CLDN10: variants seen among roughly 807,000 people sequenced by gnomAD.
CLDN10 encodes the protein claudin 10.
Under a neutral mutation model 22.9 loss-of-function variants are expected in CLDN10, and 15 were observed. The observed-to-expected ratio is 0.65, with a 90% CI of 0.44 to 1.01. The LOEUF (loss-of-function observed/expected upper bound fraction) is 1.01. CLDN10 is among the 50% of genes least tolerant of loss of function. CLDN10 has a pLI of 0.00. For missense variants in CLDN10, 247 were observed against 287.8 expected (o/e 0.86, Z 1.03); for synonymous variants, 114 against 111.4 (o/e 1.02, Z -0.15).
At chr13:95,489,363 A>C (rs2042844474) in intron 1 of CLDN10, among the ~76,000 whole-genome samples, 1 of 150,956 alleles carries the variant, frequency 6.6e-6, no homozygotes, top group African/African-American at 2.4e-5. Context: ...TTCCCTGTTC[A>C]CTGCACCCAT....
At chr13:95,444,564 C>A (rs2042354170) in intron 1 of CLDN10, among the ~76,000 whole-genome samples, 1 of 152,116 alleles carries the variant, frequency 6.6e-6, no homozygotes, top group Admixed American at 6.5e-5. Flanking sequence ...CGGTTAAGTT[C>A]AGGGGGACAC....
intron 1 of CLDN10, among the ~76,000 whole-genome samples, chr13:95,451,172 A>G (rs549873645): frequency 6.6e-6 from 1 of 152,340 alleles, no homozygotes; most frequent in East Asian, 1.9e-4. Context: ...GAAATGGCCA[A>G]TCCCCGGCAG....
At chr13:95,572,973 A>G (rs1187559469) in intron 3 of CLDN10, among the ~76,000 whole-genome samples, 1 of 152,214 alleles carries the variant, frequency 6.6e-6, no homozygotes, top group Non-Finnish European at 1.5e-5. Flanking sequence ...CTAAATGGCT[A>G]AACTACAAGT....
chr13:95,569,830 G>A (rs1178486459), intron 3 of CLDN10, among the ~76,000 whole-genome samples: 3 of 150,580 alleles, frequency 2.0e-5, no homozygotes, highest in African/African-American at 7.3e-5. Flanking sequence ...GTGCAGTGGT[G>A]AGATCTCGGC....
intron 3 of CLDN10, among the ~76,000 whole-genome samples, chr13:95,572,162 G>C (rs2043871631): frequency 6.6e-6 from 1 of 152,020 alleles, no homozygotes; most frequent in South Asian, 2.1e-4. Flanking sequence ...GCAGCCCGAG[G>C]GCATTCAGAA....
At chr13:95,568,324 C>G (rs1391798260) in intron 3 of CLDN10, among the ~76,000 whole-genome samples, 2 of 152,160 alleles carry the variant, frequency 1.3e-5, no homozygotes, top group African/African-American at 2.4e-5. Context: ...AGAAATAGTG[C>G]AGGCCACCTC....
intron 1 of CLDN10, among the ~76,000 whole-genome samples, chr13:95,470,251 C>G (rs2042617420): frequency 6.6e-6 from 1 of 152,180 alleles, no homozygotes; most frequent in African/African-American, 2.4e-5. Flanking sequence ...CTTGTCCTTT[C>G]TAATCCTAAG....
At chr13:95,494,979 C>T (rs2042912532) in intron 1 of CLDN10, among the ~76,000 whole-genome samples, 1 of 151,772 alleles carries the variant, frequency 6.6e-6, no homozygotes, top group African/African-American at 2.4e-5. Flanking sequence ...GATGCAAAAC[C>T]CAAATTGTGC....
At chr13:95,493,558 CTTT>C (rs372832325) in intron 1 of CLDN10, among the ~76,000 whole-genome samples, 44,455 of 131,856 alleles carry the variant, frequency 0.34, 7,119 homozygotes, top group Admixed American at 0.4. Flanking sequence ...CCTACCCCCA[CTTT>C]TTTTTTTTTT....
Position 95,461,793 on chromosome 13 carries a change from T to C in CLDN10, c.214+27746T>C, listed in dbSNP as rs545050340. Among the ~76,000 whole-genome samples, 34 of 152,304 alleles carry C rather than the reference T, an allele frequency of 2.2e-4. 1 individual carries two copies. The South Asian group carries it at 3.7e-3, about 17-fold the overall frequency. On this transcript the variant is annotated intron_variant, in intron 1 of 4. Coordinates refer to the CLDN10 transcript ENST00000376873. Reference sequence around the variant, plus strand: ...GTGAGACACAGAACAGCAGAACTTGTTCTTAATGAAACACTTGATCATGCA... The same window carrying C: ...GTGAGACACAGAACAGCAGAACTTGCTCTTAATGAAACACTTGATCATGCA...
At chr13:95,459,885 G>A (rs886575058) in intron 1 of CLDN10, among the ~76,000 whole-genome samples, 2 of 152,134 alleles carry the variant, frequency 1.3e-5, no homozygotes, top group African/African-American at 4.8e-5. Flanking sequence ...TTAAATATAA[G>A]TTACAATTCC....
chr13:95,474,278 T>C (rs188738980), intron 1 of CLDN10, among the ~76,000 whole-genome samples: 7 of 152,230 alleles, frequency 4.6e-5, no homozygotes, highest in African/African-American at 1.4e-4. Context: ...CAGTTTGCAA[T>C]AGGGTTCGTG....
intron 1 of CLDN10, among the ~76,000 whole-genome samples, chr13:95,450,869 C>T (rs972524192): frequency 2.0e-5 from 3 of 152,164 alleles, no homozygotes; most frequent in Non-Finnish European, 1.5e-5. Context: ...ACAGATGAAA[C>T]CCCCAAAGGC....
intron 1 of CLDN10, among the ~76,000 whole-genome samples, chr13:95,490,537 A>T (rs7985976): frequency 0.029 from 4,342 of 152,280 alleles, 89 homozygotes; most frequent in Middle Eastern, 0.071. Flanking sequence ...GTGCTCATTC[A>T]GGAGCAGATT....
chr13:95,443,112 A>G (rs1433691672), intron 1 of CLDN10, among the ~76,000 whole-genome samples: 2 of 152,240 alleles, frequency 1.3e-5, no homozygotes, highest in African/African-American at 4.8e-5. Context: ...ACTGGGGACC[A>G]TATTTCTAAC....
chr13:95,506,227 G>A (rs936463508), intron 1 of CLDN10, among the ~76,000 whole-genome samples: 5 of 152,014 alleles, frequency 3.3e-5, no homozygotes, highest in Non-Finnish European at 4.4e-5. Flanking sequence ...CTGTCTACAC[G>A]AGAGCCCTGC....
In CLDN10 at chr13:95,434,869, G is replaced by GT. The variant is rs532041467; in HGVS notation, c.214+830dup. Among the ~76,000 whole-genome samples, 37 of 151,488 alleles carry GT rather than the reference G, an allele frequency of 2.4e-4. No homozygotes were observed. The South Asian group carries it at 4.4e-3, about 18-fold the overall frequency. On this transcript the variant is annotated intron_variant, in intron 1 of 4. Coordinates refer to the CLDN10 transcript ENST00000376873. Reference sequence around the variant, plus strand: ...ATTCTATTTTCAGAAGGGTTTCCACGTTTTTTTTAATGTTTGTCACAGCCT... The same window carrying GT: ...ATTCTATTTTCAGAAGGGTTTCCACGTTTTTTTTTAATGTTTGTCACAGCCT...
At chr13:95,532,116 G>A (rs2043349606) in intron 1 of CLDN10, among the ~76,000 whole-genome samples, 1 of 152,138 alleles carries the variant, frequency 6.6e-6, no homozygotes, top group Non-Finnish European at 1.5e-5. Context: ...GGTTTCATAA[G>A]ATAGGTCATA....
At chr13:95,572,823 T>G (rs2043879615) in intron 3 of CLDN10, among the ~76,000 whole-genome samples, 1 of 152,218 alleles carries the variant, frequency 6.6e-6, no homozygotes, top group African/African-American at 2.4e-5. Flanking sequence ...GGCATGTCAT[T>G]TCTGTGTAGG....
Sources: gnomAD v4.1 joint callset for allele counts (sites outside exome capture counted in the v4.1 genomes callset) on GRCh38, gnomAD v4.1.1 for gene constraint, MANE v1.5 for transcripts, NCBI Gene and HGNC (gene_info 2026-07-23, HGNC 2026-07-21) for gene names.